Variants in RNF175 observed in about 807,000 individuals in gnomAD.
RNF175 encodes ring finger protein 175.
In RNF175, 38 loss-of-function variants were observed where a neutral mutation model predicts 50.0. The ratio of observed to expected loss-of-function variants is 0.76; its 90% CI spans 0.59 to 1.00. The LOEUF (loss-of-function observed/expected upper bound fraction) is 1.00, where lower values mean the gene tolerates loss of function less well. Among genes scored for constraint, RNF175 ranks in the 50% least tolerant of loss-of-function variants. The pLI is 0.00. For missense variants in RNF175, 388 were observed against 409.6 expected, an observed-to-expected ratio of 0.95 and a Z score of 0.46; for synonymous variants, 155 against 146.1, an observed-to-expected ratio of 1.06 and a Z score of -0.44.
intron 6 of RNF175, among the ~76,000 whole-genome samples, chr4:153,717,550 C>CAG (rs1738014247): frequency 6.6e-6 from 1 of 151,762 alleles, no homozygotes; most frequent in South Asian, 2.1e-4. Flanking sequence ...CACACACACA[C>CAG]ACACATACAT....
At chr4:153,711,368 C>T (rs1341047760) in intron 8 of RNF175, among the ~76,000 whole-genome samples, 3 of 151,804 alleles carry the variant, frequency 2.0e-5, no homozygotes, top group East Asian at 3.9e-4. Context: ...GGAGTGGGCA[C>T]TGCAGAGGGT....
intron 3 of RNF175, among the ~76,000 whole-genome samples, chr4:153,746,246 T>C (rs1739963630): frequency 6.6e-6 from 1 of 152,202 alleles, no homozygotes; most frequent in Non-Finnish European, 1.5e-5. Flanking sequence ...CCCAAGCCAG[T>C]CTAAAACTTA....
At chr4:153,758,550 G>A (rs113821215) in intron 1 of RNF175, among the ~76,000 whole-genome samples, 4,676 of 152,244 alleles carry the variant, frequency 0.031, 204 homozygotes, top group African/African-American at 0.1. Flanking sequence ...CTCCTGGCAT[G>A]CATTCATCAA....
intron 3 of RNF175, among the ~76,000 whole-genome samples, chr4:153,733,709 C>T (rs1395161199): frequency 6.6e-6 from 1 of 152,140 alleles, no homozygotes; most frequent in Non-Finnish European, 1.5e-5. Context: ...CCCTGGAATC[C>T]CCCAACCTCC....
intron 6 of RNF175, among the ~76,000 whole-genome samples, chr4:153,717,251 C>T (rs1460819109): frequency 6.6e-6 from 1 of 152,092 alleles, no homozygotes; most frequent in Admixed American, 6.5e-5. Flanking sequence ...TTGACATATC[C>T]CCAATCACTG....
Position 153,759,788 on chromosome 4 carries a change from C to G in RNF175, c.66+9G>C. 1 of 1,476,902 alleles carries G rather than the reference C, an allele frequency of 6.8e-7. No individual in the cohort carries two copies. The highest frequency in any genetic ancestry group is 8.9e-7 in the Non-Finnish European group (1 of 1,120,712). The allele number at this position is 1,476,902 out of a possible 1,614,324, so 91.5% of individuals were successfully genotyped here. On this transcript the variant is annotated intron_variant, in intron 1 of 8. Coordinates refer to ENST00000347063, the MANE Select transcript of RNF175 (RefSeq NM_173662.4). ...GGCGTCCCCCACGCCCGCGCCCCCGCGCCAGTACCTGCTCCTGCTGCGGGG... is the reference window on the plus strand; with the variant it reads ...GGCGTCCCCCACGCCCGCGCCCCCGGGCCAGTACCTGCTCCTGCTGCGGGG...
chr4:153,753,536 T>A (rs1007875214), intron 1 of RNF175, among the ~76,000 whole-genome samples: 2 of 142,330 alleles, frequency 1.4e-5, no homozygotes, highest in Non-Finnish European at 3.1e-5. Flanking sequence ...ACTGTGTTTT[T>A]ATCTTTTCTC....
chr4:153,714,806 A>G (rs1376792611), intron 7 of RNF175: 14 of 153,134 alleles, frequency 9.1e-5, no homozygotes, highest in African/African-American at 3.1e-4. Flanking sequence ...TTCACATAGA[A>G]TGCTGGTTTC....
chr4:153,731,153 G>C (rs888437271), intron 3 of RNF175, among the ~76,000 whole-genome samples: 1 of 152,084 alleles, frequency 6.6e-6, no homozygotes, highest in Non-Finnish European at 1.5e-5. Flanking sequence ...TGATTGCATG[G>C]CTAGTCATTT....
At chr4:153,719,739 T>C (rs2606320) in intron 6 of RNF175, among the ~76,000 whole-genome samples, 27,708 of 152,246 alleles carry the variant, frequency 0.18, 2,918 homozygotes, top group African/African-American at 0.28. Context: ...GTATTTATAA[T>C]AAGTATTACC....
At chr4:153,720,877 T>C (rs929631888) in intron 5 of RNF175, among the ~76,000 whole-genome samples, 1 of 152,232 alleles carries the variant, frequency 6.6e-6, no homozygotes, top group Non-Finnish European at 1.5e-5. Flanking sequence ...ATGTCTGCTG[T>C]AGAATTTAGA....
At chr4:153,740,290 G>C (rs1739580966) in intron 3 of RNF175, among the ~76,000 whole-genome samples, 1 of 151,764 alleles carries the variant, frequency 6.6e-6, no homozygotes, top group South Asian at 2.1e-4. Context: ...AAGCATATTA[G>C]CCATAATTAT....
At chr4:153,711,728 A>T (rs897754843) in intron 8 of RNF175, among the ~76,000 whole-genome samples, 2 of 152,100 alleles carry the variant, frequency 1.3e-5, no homozygotes, top group African/African-American at 4.8e-5. Context: ...CCTGAATGAG[A>T]TATACTATGG....
At chr4:153,730,426 CT>C (rs1328894829) in intron 3 of RNF175, among the ~76,000 whole-genome samples, 5 of 149,812 alleles carry the variant, frequency 3.3e-5, no homozygotes, top group African/African-American at 1.2e-4. Flanking sequence ...TAGACCCTGT[CT>C]TAAAAAAAAA....
At chr4:153,735,631 A>G (rs1460760739) in intron 3 of RNF175, among the ~76,000 whole-genome samples, 1 of 152,248 alleles carries the variant, frequency 6.6e-6, no homozygotes, top group African/African-American at 2.4e-5. Flanking sequence ...AAGACTGGAC[A>G]TATTGATACT....
chr4:153,729,910 T>A, intron 3 of RNF175: 1 of 362,520 alleles, frequency 2.8e-6, no homozygotes, highest in Non-Finnish European at 3.8e-6. Context: ...TAATCTTGCC[T>A]CCATTTATCA....
At chr4:153,743,837 A>G (rs1386681248) in intron 3 of RNF175, among the ~76,000 whole-genome samples, 1 of 152,200 alleles carries the variant, frequency 6.6e-6, no homozygotes, top group African/African-American at 2.4e-5. Flanking sequence ...TGCAGTTAGC[A>G]ACAGGAAACA....
At chr4:153,753,511 C>T (rs1740398875) in intron 1 of RNF175, among the ~76,000 whole-genome samples, 1 of 151,942 alleles carries the variant, frequency 6.6e-6, no homozygotes, top group South Asian at 2.1e-4. Context: ...ATCTCAAACC[C>T]TGAAACACAA....
At chr4:153,722,756 A>AT (rs1196609603) in intron 5 of RNF175, among the ~76,000 whole-genome samples, 1 of 117,686 alleles carries the variant, frequency 8.5e-6, no homozygotes, top group Non-Finnish European at 1.9e-5. Context: ...TGGTAGGTGC[A>AT]TTTAATAAGT....
Sources: gnomAD v4.1 joint callset for allele counts (sites outside exome capture counted in the v4.1 genomes callset) on GRCh38, gnomAD v4.1.1 for gene constraint, MANE v1.5 for transcripts, NCBI Gene and HGNC (gene_info 2026-07-23, HGNC 2026-07-21) for gene names.